The following STARD13 variants were observed in gnomAD, a reference collection of about 807,000 sequenced individuals.
The protein encoded by STARD13 is StAR related lipid transfer domain containing 13.
STARD13 carries 62 observed loss-of-function variants against 106.4 expected under a neutral mutation model. The ratio of observed to expected loss-of-function variants is 0.58; its 90% confidence interval spans 0.48 to 0.72. The LOEUF (loss-of-function observed/expected upper bound fraction) is 0.72. STARD13 is among the 30% of genes least tolerant of loss of function. The pLI is 0.00. For synonymous variants in STARD13, 565 were observed against 553.0 expected, an observed-to-expected ratio of 1.02 and a Z score of -0.31; for missense variants, 1,387 against 1,424.0, an observed-to-expected ratio of 0.97 and a Z score of 0.42.
At chr13:33,382,464 A>G in the STARD13 span, among the ~76,000 whole-genome samples, 1 of 152,160 alleles carries the variant, frequency 6.6e-6, no homozygotes, top group Non-Finnish European at 1.5e-5. Context: ...ATCATCTGTA[A>G]TTGTAAGTTT....
At chr13:33,625,568 AAAAT>A in the STARD13 span, among the ~76,000 whole-genome samples, 2 of 151,646 alleles carry the variant, frequency 1.3e-5, no homozygotes, top group Admixed American at 6.6e-5. Context: ...GACTGTCTCA[AAAAT>A]AAATAAATAA....
chr13:33,315,168 AAC>A (rs1594252714), intron 1 of STARD13, among the ~76,000 whole-genome samples: 1 of 152,320 alleles, frequency 6.6e-6, no homozygotes, highest in South Asian at 2.1e-4. Flanking sequence ...CTGTCATTAA[AAC>A]ACAGTTCCCC....
At chr13:33,586,686 C>CT in the STARD13 span, among the ~76,000 whole-genome samples, 2 of 152,112 alleles carry the variant, frequency 1.3e-5, no homozygotes, top group African/African-American at 4.8e-5. Flanking sequence ...TTGTTAATTT[C>CT]TTTTTAAACT....
At chr13:33,350,189 T>A in intron 1 of STARD13, 3 of 1,351,558 alleles carry the variant, frequency 2.2e-6, no homozygotes, top group Non-Finnish European at 2.8e-6. Context: ...CTGAAACTCA[T>A]GCCCTGGAGC....
the STARD13 span, among the ~76,000 whole-genome samples, chr13:33,671,968 A>G: frequency 1.3e-5 from 2 of 151,468 alleles, no homozygotes; most frequent in Non-Finnish European, 2.9e-5. Context: ...GCAATTCTTC[A>G]AAGATCTAGA....
At chr13:33,662,365 T>C in the STARD13 span, among the ~76,000 whole-genome samples, 1 of 152,232 alleles carries the variant, frequency 6.6e-6, no homozygotes, top group African/African-American at 2.4e-5. Flanking sequence ...TTTGATTGTA[T>C]ATAGACACTT....
the STARD13 span, among the ~76,000 whole-genome samples, chr13:33,461,836 C>CA: frequency 4.1e-4 from 61 of 149,908 alleles, no homozygotes; most frequent in Non-Finnish European, 5.8e-4. Context: ...CAAGTAGAAC[C>CA]AAAAAAAAAT....
chr13:33,487,488 G>A, the STARD13 span, among the ~76,000 whole-genome samples: 1 of 152,112 alleles, frequency 6.6e-6, no homozygotes, highest in Non-Finnish European at 1.5e-5. Flanking sequence ...GAAAAGAAAG[G>A]GGGAAAGTTC....
At chr13:33,510,674 G>A in the STARD13 span, among the ~76,000 whole-genome samples, 5 of 152,136 alleles carry the variant, frequency 3.3e-5, no homozygotes, top group African/African-American at 1.2e-4. Flanking sequence ...AGAAATTCCA[G>A]CTGCCAGTAC....
At chr13:33,438,180 A>G in the STARD13 span, among the ~76,000 whole-genome samples, 1 of 152,250 alleles carries the variant, frequency 6.6e-6, no homozygotes, top group Admixed American at 6.5e-5. Context: ...TATAAAATGA[A>G]GAAAATAGAC....
chr13:33,671,900 C>T, the STARD13 span, among the ~76,000 whole-genome samples: 1 of 152,152 alleles, frequency 6.6e-6, no homozygotes, highest in Non-Finnish European at 1.5e-5. Flanking sequence ...CTTAGCTTGT[C>T]CCTTTTACAC....
chr13:33,480,998 C>A, the STARD13 span, among the ~76,000 whole-genome samples: 1 of 151,940 alleles, frequency 6.6e-6, no homozygotes, highest in African/African-American at 2.4e-5. Context: ...GAAAAAGAAC[C>A]ATATTACCAG....
chr13:33,287,730 G>A (rs917926584), upstream of STARD13, among the ~76,000 whole-genome samples: 2 of 152,106 alleles, frequency 1.3e-5, no homozygotes, highest in East Asian at 1.9e-4. Flanking sequence ...ACGTGCTTTC[G>A]GCTTGATGGT....
chr13:33,480,293 C>G, the STARD13 span, among the ~76,000 whole-genome samples: 1 of 152,004 alleles, frequency 6.6e-6, no homozygotes, highest in Admixed American at 6.5e-5. Flanking sequence ...CCATTAATAT[C>G]TTACAGAATT....
chr13:33,636,869 A>T, the STARD13 span, among the ~76,000 whole-genome samples: 1 of 152,172 alleles, frequency 6.6e-6, no homozygotes, highest in African/African-American at 2.4e-5. Flanking sequence ...AGCTGGTTCT[A>T]GGGACCTCTG....
chr13:33,118,037 G>A (rs762595924), intron 8 of STARD13, 28 bp downstream of exon 8: 1 of 1,611,228 alleles, frequency 6.2e-7, no homozygotes, highest in South Asian at 1.1e-5. Context: ...ATGCCCACGA[G>A]AACACCAATC....
At chr13:33,150,341 T>C (rs1296658270) in intron 3 of STARD13, among the ~76,000 whole-genome samples, 1 of 152,230 alleles carries the variant, frequency 6.6e-6, no homozygotes, top group African/African-American at 2.4e-5. Flanking sequence ...TCCATTCAGA[T>C]AATGTTTGCT....
At chr13:33,646,217 T>C in the STARD13 span, among the ~76,000 whole-genome samples, 2 of 152,216 alleles carry the variant, frequency 1.3e-5, no homozygotes, top group African/African-American at 2.4e-5. Context: ...GGTCTATAAC[T>C]AGTCCTCACC....
the STARD13 span, among the ~76,000 whole-genome samples, chr13:33,365,593 A>G: frequency 1.3e-5 from 2 of 152,168 alleles, no homozygotes; most frequent in African/African-American, 4.8e-5. Context: ...GATTATCTAG[A>G]AGATAAAATG....
Sources: allele counts gnomAD v4.1 joint callset (sites outside exome capture counted in the v4.1 genomes callset), GRCh38; gene constraint gnomAD v4.1.1; transcripts MANE v1.5; gene names NCBI Gene and HGNC (gene_info 2026-07-23, HGNC 2026-07-21).